CDH4: variants seen among roughly 807,000 people sequenced by gnomAD.
The protein encoded by CDH4 is cadherin-4.
CDH4 carries 33 observed loss-of-function variants against 86.0 expected under a neutral mutation model. The observed-to-expected ratio is 0.38, with a 90% CI of 0.29 to 0.51. The LOEUF is 0.51. Ranked by LOEUF, CDH4 falls within the 20% of genes least tolerant of loss-of-function variation. The probability of loss-of-function intolerance (pLI) is 0.86; values close to 1 mark genes in which losing one functional copy is unlikely to be tolerated. For synonymous variants in CDH4, 555 were observed against 549.4 expected (o/e 1.01, Z -0.14); for missense variants, 1,114 against 1,307.4 (o/e 0.85, Z 2.28).
intron 4 of CDH4, among the ~76,000 whole-genome samples, chr20:61,774,135 T>C (rs1600973528): frequency 6.6e-6 from 1 of 152,254 alleles, no homozygotes; most frequent in South Asian, 2.1e-4. Flanking sequence ...ATGTATCACC[T>C]GCCTTCTCTG....
At chr20:61,933,606 T>C (rs1169431834) in intron 14 of CDH4, among the ~76,000 whole-genome samples, 1 of 151,844 alleles carries the variant, frequency 6.6e-6, no homozygotes, top group Non-Finnish European at 1.5e-5. Flanking sequence ...GACCCCTCCC[T>C]GCCCCTCCCA....
chr20:61,633,733 T>C (rs2427207), intron 2 of CDH4, among the ~76,000 whole-genome samples: 93,481 of 152,116 alleles, frequency 0.61, 29,082 homozygotes, highest in East Asian at 0.72. Context: ...TCTTGGGGTT[T>C]TGGGGAGAAC....
At chr20:61,549,448 G>C (rs961220898) in intron 2 of CDH4, among the ~76,000 whole-genome samples, 2 of 149,590 alleles carry the variant, frequency 1.3e-5, no homozygotes, top group Non-Finnish European at 3.0e-5. Context: ...GCTAAACTGG[G>C]AGCGTCTTTT....
chr20:61,912,403 C>T (rs567802413), intron 9 of CDH4, among the ~76,000 whole-genome samples: 3 of 152,310 alleles, frequency 2.0e-5, no homozygotes, highest in African/African-American at 7.2e-5. Flanking sequence ...TTAATAACCT[C>T]TTTTGTAAGC....
intron 4 of CDH4, among the ~76,000 whole-genome samples, chr20:61,798,416 C>A (rs1340812804): frequency 2.0e-5 from 3 of 152,256 alleles, no homozygotes; most frequent in Admixed American, 1.3e-4. Flanking sequence ...CCGCTCCTTT[C>A]CTGCTACCTC....
intron 2 of CDH4, among the ~76,000 whole-genome samples, chr20:61,328,576 G>C (rs2084550137): frequency 6.6e-6 from 1 of 152,180 alleles, no homozygotes; most frequent in African/African-American, 2.4e-5. Flanking sequence ...TTGAGCCCAG[G>C]AGTTCAAGAC....
At chr20:61,892,075 G>A (rs553574708) in intron 7 of CDH4, among the ~76,000 whole-genome samples, 54 of 152,356 alleles carry the variant, frequency 3.5e-4, no homozygotes, top group Middle Eastern at 3.4e-3. Flanking sequence ...CATAGATAAT[G>A]TGTCAATAAA....
chr20:61,252,544 C>T lies in CDH4; in HGVS notation c.31C>T (p.Leu11=). Residue 11 remains leucine, a synonymous_variant, in exon 1 of 16, where the codon CTG becomes TTG. Coordinates refer to ENST00000614565, the MANE Select transcript of CDH4 (RefSeq NM_001794.5). This position sits in a 1 kb window ranked among gnomAD's most constrained non-coding sequence, Gnocchi z 4.4. MTAGAGVLLL[L]LSLSGALRAH... ...CGCGGGCGCCGGCGTGCTCCTTCTG[C>T]TGCTCTCGCTCTCCGGCGCGCTCCG... 8.3e-7 allele frequency: 1 copy of T among 1,202,864 alleles called. No individual in the cohort carries two copies. Among genetic ancestry groups the T allele is most frequent in the Non-Finnish European group, 1.0e-6 (1 of 969,292 alleles). 74.5% of individuals were successfully genotyped at this position (1,202,864 alleles called of 1,614,324 possible).
intron 2 of CDH4, among the ~76,000 whole-genome samples, chr20:61,695,805 C>A (rs532995758): frequency 5.9e-4 from 90 of 152,368 alleles, no homozygotes; most frequent in African/African-American, 1.9e-3. Flanking sequence ...TTCGTCCAAT[C>A]CTTCCCCTCT....
chr20:61,294,788 G>A (rs2084342931), intron 2 of CDH4, among the ~76,000 whole-genome samples: 1 of 152,250 alleles, frequency 6.6e-6, no homozygotes, highest in Non-Finnish European at 1.5e-5. Flanking sequence ...TGTGTGTGAG[G>A]CCTGAGGACA....
intron 4 of CDH4, among the ~76,000 whole-genome samples, chr20:61,841,380 A>G (rs1481608991): frequency 6.6e-6 from 1 of 152,202 alleles, no homozygotes; most frequent in East Asian, 1.9e-4. Context: ...CAGAGGTGAC[A>G]GGGAGAGGGG....
At chr20:61,527,159 G>C (rs2085916947) in intron 2 of CDH4, among the ~76,000 whole-genome samples, 3 of 152,204 alleles carry the variant, frequency 2.0e-5, no homozygotes. Flanking sequence ...TTTGACAAGA[G>C]AATCACAATC....
chr20:61,923,466 C>A lies in CDH4; in HGVS notation c.1390C>A (p.Leu464Ile), dbSNP rs1457907463. The A allele has an allele frequency of 6.2e-7, 1 of 1,614,132 alleles. No homozygotes were observed. Among genetic ancestry groups the A allele is most frequent in the Admixed American group, 1.7e-5 (1 of 60,024 alleles). The change falls in exon 10 of 16, where the codon CTC becomes ATC. Residue 464 changes from leucine to isoleucine, a missense_variant. Physicochemically the swap from Leu to Ile is conservative, Grantham distance 5 (BLOSUM62 2). Around this residue, in one of 3 missense-constraint regions of CDH4, gnomAD observed 705 missense variants for 914.1 expected, o/e 0.77. Transcript: ENST00000614565. The stretch of plus-strand genomic sequence containing the variant: ...GTTGTTCCAGGCAGTCGACTACGAG[C>A]TCAACAGAGCTTTCATGCTGACAGT... ...VTVVKAVDYE[L>I]NRAFMLTVMV...
intron 2 of CDH4, among the ~76,000 whole-genome samples, chr20:61,444,542 T>C (rs1280235144): frequency 6.6e-6 from 1 of 152,068 alleles, no homozygotes; most frequent in African/African-American, 2.4e-5. Context: ...TCCGTATGTA[T>C]GTGTATCTTT....
At chr20:61,539,170 G>A (rs2086020601) in intron 2 of CDH4, among the ~76,000 whole-genome samples, 1 of 152,158 alleles carries the variant, frequency 6.6e-6, no homozygotes, top group South Asian at 2.1e-4. Flanking sequence ...GAGTCCCCAG[G>A]AGTGCACAGC....
intron 2 of CDH4, among the ~76,000 whole-genome samples, chr20:61,429,799 A>G (rs1041406062): frequency 7.0e-6 from 1 of 143,170 alleles, no homozygotes; most frequent in Admixed American, 7.0e-5. Flanking sequence ...GGGTGGAAAG[A>G]TGGATAGGTA....
chr20:61,859,378 G>A (rs1163266043), intron 6 of CDH4, among the ~76,000 whole-genome samples: 5 of 152,220 alleles, frequency 3.3e-5, no homozygotes, highest in African/African-American at 1.2e-4. Context: ...GGGTCTTTGC[G>A]AGCGAAAGTG....
At chr20:61,788,392 G>A (rs1347228795) in intron 4 of CDH4, among the ~76,000 whole-genome samples, 1 of 152,320 alleles carries the variant, frequency 6.6e-6, no homozygotes, top group East Asian at 1.9e-4. Flanking sequence ...GTAGGTTCTG[G>A]TTAAAGGATT....
intron 2 of CDH4, among the ~76,000 whole-genome samples, chr20:61,736,714 G>A (rs1383930056): frequency 1.3e-5 from 2 of 152,120 alleles, no homozygotes; most frequent in African/African-American, 4.8e-5. Flanking sequence ...TGCATATCCA[G>A]AGGCGCATTC....
Sources: allele counts gnomAD v4.1 joint callset (sites outside exome capture counted in the v4.1 genomes callset), GRCh38; gene constraint gnomAD v4.1.1; regional missense constraint gnomAD v4.1.1; non-coding constraint Gnocchi (gnomAD v3.1); transcripts MANE v1.5; gene names NCBI Gene and HGNC (gene_info 2026-07-23, HGNC 2026-07-21).